The following FBH1 variants were observed in gnomAD, a reference collection of about 807,000 sequenced individuals.
FBH1 encodes the protein F-box DNA helicase 1.
FBH1 carries 43 observed loss-of-function variants against 115.5 expected under a neutral mutation model. The observed-to-expected ratio is 0.37, with a 90% CI of 0.29 to 0.48. The LOEUF is 0.48. Ranked by LOEUF, FBH1 falls within the 20% of genes least tolerant of loss-of-function variation. The pLI is 0.99. For missense variants in FBH1, 1,001 were observed against 1,337.3 expected (o/e 0.75, Z 3.92); for synonymous variants, 524 against 507.8 (o/e 1.03, Z -0.43).
At chr10:5,893,971 C>T (rs552316731) in intron 1 of FBH1, 497 of 984,694 alleles carry the variant, frequency 5.0e-4, no homozygotes, top group Non-Finnish European at 5.8e-4. Context: ...TCCTTTCTTT[C>T]TTTAGGAAAA....
At chr10:5,889,646 G>A, upstream of FBH1, 1 of 192,822 alleles carries the variant, frequency 5.2e-6, no homozygotes, top group Admixed American at 6.0e-5. Context: ...GGACGGAGCG[G>A]TCCGGGATGA....
chr10:5,934,161 T>C (rs1201851274), intron 19 of FBH1: 1 of 152,226 alleles, frequency 6.6e-6, no homozygotes, highest in Non-Finnish European at 1.5e-5. Context: ...CATTGCTTCC[T>C]GCGCTGCCTA....
intron 18 of FBH1, among the ~76,000 whole-genome samples, chr10:5,926,270 C>G (rs58322448): frequency 6.6e-6 from 1 of 152,064 alleles, no homozygotes; most frequent in Admixed American, 6.5e-5. Context: ...CGTGCCACCA[C>G]GCCCAGCTAA....
Position 5,913,219 on chromosome 10 carries a change from A to T in FBH1, c.1212-528A>T, listed in dbSNP as rs932606145. ...AGCCTACTGTTTTCAGGTCCTTAGTAGTCAGATCTTGTTATCCATAGTGTA... is the reference window on the plus strand; with the variant it reads ...AGCCTACTGTTTTCAGGTCCTTAGTTGTCAGATCTTGTTATCCATAGTGTA... On this transcript the variant is annotated intron_variant, in intron 6 of 20. Transcript: ENST00000362091. This position sits in a 1 kb window ranked among gnomAD's most constrained non-coding sequence, Gnocchi z 4.4. 3.0e-4 allele frequency among the ~76,000 whole-genome samples: 46 copies of T among 152,160 alleles called. No individual in the cohort carries two copies. Among genetic ancestry groups the T allele is most frequent in the Non-Finnish European group, 5.4e-4 (37 of 68,030 alleles).
In FBH1 at chr10:5,921,236, C is replaced by G; in HGVS notation, c.2101-22C>G. 6.2e-7 allele frequency: 1 copy of G among 1,611,088 alleles called. No homozygotes were observed. Among genetic ancestry groups the G allele is most frequent in the Non-Finnish European group, 8.5e-7 (1 of 1,177,460 alleles). ...CACACCACAGGGCGGGCTGCTGACT[C>G]CCTCTGTCTTGTTGTTTTCAGAGTT... On this transcript the variant is annotated intron_variant, in intron 13 of 20. Coordinates refer to ENST00000362091, the MANE Select transcript of FBH1 (RefSeq NM_178150.3). This position sits in a 1 kb window ranked among gnomAD's most constrained non-coding sequence, Gnocchi z 6.4.
intron 13 of FBH1, among the ~76,000 whole-genome samples, chr10:5,919,262 G>A (rs1190999671): frequency 6.6e-6 from 1 of 152,180 alleles, no homozygotes; most frequent in African/African-American, 2.4e-5. Context: ...AAGAAGGACA[G>A]ATCACTTGAG....
At chr10:5,922,221 T>C (rs979832770) in intron 15 of FBH1, among the ~76,000 whole-genome samples, 1 of 152,240 alleles carries the variant, frequency 6.6e-6, no homozygotes, top group African/African-American at 2.4e-5. Flanking sequence ...AAGTTTTTTG[T>C]TTATAAAGAC....
At chr10:5,912,103 T>C (rs1001613862) in intron 6 of FBH1, among the ~76,000 whole-genome samples, 13 of 152,102 alleles carry the variant, frequency 8.5e-5, no homozygotes, top group Non-Finnish European at 1.6e-4. Context: ...GGCTCACACC[T>C]GTAATCCAGC....
rs891041210 is a variant in FBH1, at chr10:5,918,102, CTTATA to C, written c.1964-237_1964-233del. On this transcript the variant is annotated intron_variant, in intron 12 of 20. Coordinates refer to ENST00000362091, the MANE Select transcript of FBH1 (RefSeq NM_178150.3). The surrounding 1 kb of genome is among the most constrained non-coding windows in gnomAD (Gnocchi z 4.0). ...ATTTTAGATTTGCCTGTGTTGTTTT[CTTATA>C]TTCCAACAATTCATCCAAGGCGAAA... is the stretch of plus-strand genomic sequence containing the variant. Among the ~76,000 whole-genome samples the C allele has an allele frequency of 2.2e-4, 33 of 152,178 alleles. No individual in the cohort carries two copies. The highest frequency in any genetic ancestry group is 7.5e-4 in the African/African-American group (31 of 41,452).
At chr10:5,902,999 C>A in intron 1 of FBH1, 21 bp from the exon 2 acceptor site, 1 of 1,588,164 alleles carries the variant, frequency 6.3e-7, no homozygotes, top group South Asian at 1.1e-5. Context: ...CCCCTTTCTT[C>A]TACCTGCTGG....
At position 5,903,284 on chromosome 10, in the gene FBH1, C is replaced by T. The variant is rs1222271488; in HGVS notation, c.157+109C>T. On this transcript the variant is annotated intron_variant, in intron 2 of 20. Coordinates refer to ENST00000362091, the MANE Select transcript of FBH1 (RefSeq NM_178150.3). Reference sequence around the variant, plus strand: ...AATGTTGCTGCTGTGAGTTTGTAGTCTTCATGCAATAGCTTGACACTTTTT... The same window carrying T: ...AATGTTGCTGCTGTGAGTTTGTAGTTTTCATGCAATAGCTTGACACTTTTT... The T allele has an allele frequency of 3.9e-6, 3 of 778,162 alleles. No individual in the cohort carries two copies. The African/African-American group carries it at 5.5e-5, about 14-fold the overall frequency. The allele number at this position is 778,162 out of a possible 1,614,324, so 48.2% of individuals were successfully genotyped here. A position where few individuals can be genotyped will look rare whatever the true frequency, so the allele number is the denominator to read the frequency against.
intron 1 of FBH1, among the ~76,000 whole-genome samples, chr10:5,893,644 T>G (rs1842857978): frequency 6.6e-6 from 1 of 152,242 alleles, no homozygotes; most frequent in African/African-American, 2.4e-5. Context: ...TAACTCTATT[T>G]ATGTTTCTTT....
At chr10:5,905,448 G>A (rs146531205) in intron 2 of FBH1, among the ~76,000 whole-genome samples, 2,998 of 152,324 alleles carry the variant, frequency 0.02, 103 homozygotes, top group African/African-American at 0.068. Context: ...AACCTGGGAG[G>A]TGGTGGTTGC....
chr10:5,909,226 C>A lies in FBH1; in HGVS notation c.952C>A (p.His318Asn). 1 of 1,613,494 alleles carries A rather than the reference C, an allele frequency of 6.2e-7. No individual in the cohort carries two copies. The change falls in exon 5 of 21, where the codon CAC becomes AAC. Residue 318 changes from histidine to asparagine, a missense_variant. This residue lies in a region of FBH1 where 420 missense variants were observed against 430.4 expected (regional missense o/e 0.98). Coordinates refer to ENST00000362091, the MANE Select transcript of FBH1 (RefSeq NM_178150.3). This position sits in a 1 kb window ranked among gnomAD's most constrained non-coding sequence, Gnocchi z 4.4. ...PERVLWSLRD[H>N]PLLPEAEACV... is the part of the protein sequence containing the mutation. Reference sequence around the variant, plus strand: ...GAGGGTGCTGTGGAGTCTGAGGGACCACCCCCTCCTCCCCGAGGCTGAGGC... The same window carrying A: ...GAGGGTGCTGTGGAGTCTGAGGGACAACCCCCTCCTCCCCGAGGCTGAGGC...
chr10:5,927,578 AT>A (rs756094468), intron 19 of FBH1, 37 bp downstream of exon 19: 2 of 1,518,828 alleles, frequency 1.3e-6, no homozygotes, highest in South Asian at 2.3e-5. Context: ...ACTTGATGCC[AT>A]TGAATGTTAT....
At position 5,911,569 on chromosome 10, in the gene FBH1, C is replaced by G. The variant is rs553977622; in HGVS notation, c.1211+441C>G. On this transcript the variant is annotated intron_variant, in intron 6 of 20. Coordinates refer to ENST00000362091, the MANE Select transcript of FBH1 (RefSeq NM_178150.3). This position sits in a 1 kb window ranked among gnomAD's most constrained non-coding sequence, Gnocchi z 5.4. Reference sequence around the variant, plus strand: ...GTCGGCTGCTGATTCACAGGGGCCCCGATGGTTTCCTCAGCAGGGTGGGGA... The same window carrying G: ...GTCGGCTGCTGATTCACAGGGGCCCGGATGGTTTCCTCAGCAGGGTGGGGA... Among the ~76,000 whole-genome samples, 43 of 152,172 alleles carry G rather than the reference C, an allele frequency of 2.8e-4. No individual in the cohort carries two copies. The highest frequency in any genetic ancestry group is 9.9e-4 in the African/African-American group (41 of 41,514).
At position 5,915,400 on chromosome 10, in the gene FBH1, C is replaced by T. The variant is rs768733024; in HGVS notation, c.1397-3C>T. 6.2e-7 allele frequency: 1 copy of T among 1,614,028 alleles called. No individual in the cohort carries two copies. The highest frequency in any genetic ancestry group is 8.5e-7 in the Non-Finnish European group (1 of 1,179,922). ...TCACCTCCTTTCCTCCTGGCTTCCCCAGGCACTGGGAAGACCTCAACGCTG... is the reference window on the plus strand; with the variant it reads ...TCACCTCCTTTCCTCCTGGCTTCCCTAGGCACTGGGAAGACCTCAACGCTG... On this transcript the variant is annotated splice_region_variant and splice_polypyrimidine_tract_variant and intron_variant, in intron 8 of 20. Transcript: ENST00000362091. This position sits in a 1 kb window ranked among gnomAD's most constrained non-coding sequence, Gnocchi z 5.2.
chr10:5,902,125 A>G (rs1843383344), intron 1 of FBH1, among the ~76,000 whole-genome samples: 1 of 151,870 alleles, frequency 6.6e-6, no homozygotes, highest in South Asian at 2.1e-4. Flanking sequence ...CTGAAAAGGA[A>G]TTGGCTTCTC....
chr10:5,924,974 G>A lies in FBH1; in HGVS notation c.2597-393G>A, dbSNP rs1255995949. Among the ~76,000 whole-genome samples, 1 of 152,134 alleles carries A rather than the reference G, an allele frequency of 6.6e-6. No individual in the cohort carries two copies. Among genetic ancestry groups the A allele is most frequent in the Non-Finnish European group, 1.5e-5 (1 of 68,022 alleles). On this transcript the variant is annotated intron_variant, in intron 17 of 20. Transcript: ENST00000362091. The surrounding 1 kb of genome is among the most constrained non-coding windows in gnomAD (Gnocchi z 6.2). ...TTCTTCCTCAGGGGCTCTTTATTCT[G>A]TTCTACTTTCAAGCCCGTACAATGG...
Sources: gnomAD v4.1 joint callset for allele counts (sites outside exome capture counted in the v4.1 genomes callset) on GRCh38, gnomAD v4.1.1 for gene constraint, gnomAD v4.1.1 regional missense constraint, Gnocchi (gnomAD v3.1) non-coding constraint, MANE v1.5 for transcripts, NCBI Gene and HGNC (gene_info 2026-07-23, HGNC 2026-07-21) for gene names.